The following POLR3A variants were observed in gnomAD, a reference collection of about 807,000 sequenced individuals.
POLR3A encodes RNA polymerase III subunit A, also known as DNA-directed RNA polymerase III subunit RPC1.
In POLR3A, 112 loss-of-function variants were observed where a neutral mutation model predicts 152.8. The ratio of observed to expected loss-of-function variants is 0.73; its 90% CI spans 0.63 to 0.86. POLR3A has a LOEUF of 0.86. Among genes scored for constraint, POLR3A ranks in the 40% least tolerant of loss-of-function variants. POLR3A has a pLI of 0.00. For missense variants in POLR3A, 1,385 were observed against 1,743.1 expected (o/e 0.79, Z 3.66); for synonymous variants, 615 against 652.1 (o/e 0.94, Z 0.87).
At chr10:78,001,172 A>T (rs1299616080) in intron 17 of POLR3A, 78 bp from the exon 18 acceptor site, 2 of 776,954 alleles carry the variant, frequency 2.6e-6, no homozygotes, top group African/African-American at 3.4e-5. Context: ...TGGAAGGGTA[A>T]AACAGGAATA....
chr10:77,982,731 C>T lies in POLR3A; in HGVS notation c.3516G>A (p.Val1172=). The T allele has an allele frequency of 6.2e-7, 1 of 1,613,666 alleles. No individual in the cohort carries two copies. Among genetic ancestry groups the T allele is most frequent in the Non-Finnish European group, 8.5e-7 (1 of 1,179,686 alleles). ...TGTTCTCTCTGGGGGTGACACACACCACAGCCTCACCATGAACAGCCACAT... is the reference window on the plus strand; with the variant it reads ...TGTTCTCTCTGGGGGTGACACACACTACAGCCTCACCATGAACAGCCACAT... ...PGDVAVHGEA[V]VCVTPRENSK... is the part of the protein sequence containing the mutation. Residue 1172 remains valine, a synonymous_variant, in exon 27 of 31, where the codon GTG becomes GTA. Transcript: ENST00000372371.
chr10:78,024,167 TG>T (rs1407944263), intron 5 of POLR3A, among the ~76,000 whole-genome samples: 1 of 151,958 alleles, frequency 6.6e-6, no homozygotes, highest in South Asian at 2.1e-4. Context: ...AGTTCAAGAC[TG>T]GCCTGGCCAA....
Position 77,993,349 on chromosome 10 carries a change from G to A in POLR3A, c.2635C>T (p.Leu879Phe), listed in dbSNP as rs753555162. 1 of 1,613,850 alleles carries A rather than the reference G, an allele frequency of 6.2e-7. No homozygotes were observed. The highest frequency in any genetic ancestry group is 8.5e-7 in the Non-Finnish European group (1 of 1,179,756). ...TCATACTGGGAGCAAAGATCTTCAA[G>A]AGATTTGACAAGCCTTCGCTAAAGG... is the stretch of plus-strand genomic sequence containing the variant. The part of the protein sequence containing the change: ...GYMQRRLVKS[L>F]EDLCSQYDLT... The change falls in exon 20 of 31, where the codon CTT (leucine) becomes TTT (phenylalanine). Residue 879 changes from leucine to phenylalanine, a missense_variant. By Grantham distance (22) the Leu-to-Phe change is conservative (BLOSUM62 0). Transcript: ENST00000372371.
rs1847095305 is a variant in POLR3A at position 77,976,999 on chromosome 10, C to T, written c.*479G>A. ...AAATGGAACAAATAAATAATAGTAACAATATTTACATAAGTATGTCACATT... is the reference window on the plus strand; with the variant it reads ...AAATGGAACAAATAAATAATAGTAATAATATTTACATAAGTATGTCACATT... On this transcript the variant is annotated 3_prime_UTR_variant, in exon 31 of 31. Coordinates refer to ENST00000372371, the MANE Select transcript of POLR3A (RefSeq NM_007055.4). 1 of 156,212 alleles carries T rather than the reference C, an allele frequency of 6.4e-6. No individual in the cohort carries two copies. Among genetic ancestry groups the T allele is most frequent in the Non-Finnish European group, 1.4e-5 (1 of 70,328 alleles). The allele number at this position is 156,212 out of a possible 1,614,324, so 9.7% of individuals were successfully genotyped here.
chr10:77,982,368 G>A (rs1181889096), intron 27 of POLR3A, 50 bp from the exon 28 acceptor site: 3 of 1,565,488 alleles, frequency 1.9e-6, no homozygotes, highest in Non-Finnish European at 2.6e-6. Flanking sequence ...GCCATGCCCT[G>A]GGCTGATCAC....
At chr10:77,979,666 C>T (rs1305923448) in intron 30 of POLR3A, among the ~76,000 whole-genome samples, 1 of 152,218 alleles carries the variant, frequency 6.6e-6, no homozygotes, top group African/African-American at 2.4e-5. Context: ...AATATCCACA[C>T]CCCACGGGTG....
chr10:78,000,277 A>T (rs560769830), intron 18 of POLR3A, among the ~76,000 whole-genome samples, 159 bp from the exon 19 acceptor site: 26 of 152,304 alleles, frequency 1.7e-4, no homozygotes, highest in African/African-American at 6.0e-4. Flanking sequence ...TTCCTTATGG[A>T]GAAATACTTT....
intron 19 of POLR3A, among the ~76,000 whole-genome samples, chr10:77,999,068 G>A (rs574211913): frequency 7.2e-5 from 11 of 152,148 alleles, no homozygotes; most frequent in African/African-American, 1.9e-4. Context: ...ACCAAATGCC[G>A]CATGTTCTCA....
Position 77,985,888 on chromosome 10 carries a change from C to G in POLR3A, c.3071+15G>C. The stretch of plus-strand genomic sequence containing the variant: ...TATGTGGATGACCGTCAGTCCAAGA[C>G]AAAAGCATCCCTACCTCATGTACTT... On this transcript the variant is annotated intron_variant, in intron 23 of 30. Transcript: ENST00000372371. 1 of 1,605,470 alleles carries G rather than the reference C, an allele frequency of 6.2e-7. No homozygotes were observed. The highest frequency in any genetic ancestry group is 8.5e-7 in the Non-Finnish European group (1 of 1,172,138).
intron 17 of POLR3A, among the ~76,000 whole-genome samples, chr10:78,001,914 T>C (rs1324237444): frequency 2.6e-5 from 4 of 152,064 alleles, no homozygotes; most frequent in African/African-American, 4.8e-5. Flanking sequence ...CCTCCCAAAG[T>C]GCTGGGATTA....
chr10:78,019,093 CT>C, intron 9 of POLR3A, 68 bp downstream of exon 9: 1 of 1,062,050 alleles, frequency 9.4e-7, no homozygotes, highest in Admixed American at 1.7e-5. Context: ...CATTCTGTGG[CT>C]GAGTATGACC....
At chr10:77,982,963 C>T in intron 26 of POLR3A, 146 bp from the exon 27 acceptor site, 1 of 714,496 alleles carries the variant, frequency 1.4e-6, no homozygotes, top group Non-Finnish European at 2.6e-6. Context: ...AAATATGCTA[C>T]ATATGTTTTA....
intron 13 of POLR3A, 52 bp from the exon 14 acceptor site, chr10:78,009,727 C>T: frequency 1.9e-6 from 3 of 1,613,890 alleles, no homozygotes; most frequent in Non-Finnish European, 2.5e-6. Context: ...GGTCTCAATC[C>T]CCCTTCAGTA....
chr10:78,026,033 A>G, intron 2 of POLR3A, 61 bp downstream of exon 2: 1 of 1,598,760 alleles, frequency 6.3e-7, no homozygotes, highest in Non-Finnish European at 8.6e-7. Context: ...TCAATCTGGT[A>G]AGTCACCAGT....
intron 8 of POLR3A, 179 bp from the exon 9 acceptor site, chr10:78,019,444 C>T: frequency 1.6e-6 from 1 of 609,090 alleles, no homozygotes; most frequent in African/African-American, 1.8e-5. Context: ...GGCAAACAAG[C>T]TTCCAGCTTC....
Position 78,019,177 on chromosome 10 carries a change from T to A in POLR3A, c.1274A>T (p.His425Leu). Residue 425 changes from histidine (H) to leucine (L), a missense_variant, in exon 9 of 31, where the codon CAT (histidine) becomes CTT (leucine). Physicochemically the swap from His to Leu is moderately conservative, Grantham distance 99. Transcript: ENST00000372371. Reference sequence around the variant, plus strand: ...AAAAGATTACCTTTTCATCTGCGTATGTCTCTGCTGAATGAAGTTTGCTCC... The same window carrying A: ...AAAAGATTACCTTTTCATCTGCGTAAGTCTCTGCTGAATGAAGTTTGCTCC... ...HPGANFIQQR[H>L]TQMKRFLKYG... 6.2e-7 allele frequency: 1 copy of A among 1,612,202 alleles called. No individual in the cohort carries two copies. The highest frequency in any genetic ancestry group is 8.5e-7 in the Non-Finnish European group (1 of 1,178,228).
chr10:78,009,526 C>T lies in POLR3A; in HGVS notation c.1909+11G>A, dbSNP rs761844663. The T allele has an allele frequency of 1.1e-5, 18 of 1,614,092 alleles. No homozygotes were observed. The highest frequency in any genetic ancestry group is 2.2e-5 in the East Asian group (1 of 44,898). On this transcript the variant is annotated intron_variant, in intron 14 of 30. Coordinates refer to ENST00000372371, the MANE Select transcript of POLR3A (RefSeq NM_007055.4). ...TTCCTCCTTCTCCCCACCCGAGTTC[C>T]GTCCACTCACAGGAATCATTGGCAC...
intron 21 of POLR3A, among the ~76,000 whole-genome samples, chr10:77,990,748 G>C (rs565648154): frequency 1.0e-3 from 156 of 151,816 alleles, no homozygotes; most frequent in African/African-American, 3.7e-3. Flanking sequence ...TCCCGAGCTG[G>C]GATTACAGGT....
intron 1 of POLR3A, among the ~76,000 whole-genome samples, chr10:78,028,944 T>A (rs1330334141): frequency 6.6e-6 from 1 of 152,062 alleles, no homozygotes; most frequent in African/African-American, 2.4e-5. Flanking sequence ...GGCAACCCCA[T>A]CCTTTTGGTA....
Sources: gnomAD v4.1 joint callset for allele counts (sites outside exome capture counted in the v4.1 genomes callset) on GRCh38, gnomAD v4.1.1 for gene constraint, MANE v1.5 for transcripts, NCBI Gene and HGNC (gene_info 2026-07-23, HGNC 2026-07-21) for gene names.